THSD7B: variants seen among roughly 807,000 people sequenced by gnomAD.
THSD7B encodes thrombospondin type-1 domain-containing protein 7B.
In THSD7B, 138 loss-of-function variants were observed where a neutral mutation model predicts 213.6. The ratio of observed to expected loss-of-function variants is 0.65; its 90% CI spans 0.56 to 0.74. THSD7B has a LOEUF of 0.74. Among genes scored for constraint, THSD7B ranks in the 30% least tolerant of loss-of-function variants. The pLI, the probability that THSD7B is intolerant of heterozygous loss-of-function variation, is 0.00. For missense variants in THSD7B, 1,931 were observed against 1,991.5 expected (o/e 0.97, Z 0.58); for synonymous variants, 742 against 687.0 (o/e 1.08, Z -1.25).
At chr2:137,319,105 A>G (rs1021096249) in intron 12 of THSD7B, among the ~76,000 whole-genome samples, 1 of 152,038 alleles carries the variant, frequency 6.6e-6, no homozygotes, top group Non-Finnish European at 1.5e-5. Context: ...AATACCTCTT[A>G]TAAAATATCT....
At chr2:137,281,016 A>G (rs1321931321) in intron 12 of THSD7B, among the ~76,000 whole-genome samples, 1 of 152,140 alleles carries the variant, frequency 6.6e-6, no homozygotes, top group Non-Finnish European at 1.5e-5. Context: ...CAGACTTGAC[A>G]TTATGGCACT....
chr2:137,066,088 G>A (rs1687372814), intron 3 of THSD7B, among the ~76,000 whole-genome samples: 4 of 151,114 alleles, frequency 2.6e-5, no homozygotes, highest in South Asian at 2.1e-4. Flanking sequence ...TTTTTTCAAA[G>A]CAAGTCTATT....
chr2:137,358,471 GA>G (rs1451145308), intron 12 of THSD7B, among the ~76,000 whole-genome samples: 2 of 152,014 alleles, frequency 1.3e-5, no homozygotes, highest in East Asian at 1.9e-4. Flanking sequence ...TCAGAGGACC[GA>G]AAAAAATTTT....
rs1681871358 is a variant in THSD7B, at chr2:137,591,809, T to A, written c.3423+19253T>A. Among the ~76,000 whole-genome samples the A allele has an allele frequency of 1.3e-5, 2 of 151,956 alleles. 1 individual carries two copies. The highest frequency in any genetic ancestry group is 2.9e-5 in the Non-Finnish European group (2 of 67,844). Reference sequence around the variant, plus strand: ...GGTTCACAAATGTTTGTTTATATAATGTTCGGCTGATCTTTGTTTCATACG... The same window carrying A: ...GGTTCACAAATGTTTGTTTATATAAAGTTCGGCTGATCTTTGTTTCATACG... On this transcript the variant is annotated intron_variant, in intron 17 of 27. Coordinates refer to ENST00000409968, the MANE Select transcript of THSD7B (RefSeq NM_001316349.2).
intron 2 of THSD7B, among the ~76,000 whole-genome samples, chr2:136,981,319 A>C (rs953640084): frequency 2.6e-5 from 4 of 152,160 alleles, no homozygotes; most frequent in Non-Finnish European, 5.9e-5. Flanking sequence ...GAGATGATTA[A>C]AGAGAGCAGA....
At chr2:137,639,893 G>A (rs1057230135) in intron 20 of THSD7B, among the ~76,000 whole-genome samples, 2 of 152,166 alleles carry the variant, frequency 1.3e-5, no homozygotes, top group Non-Finnish European at 2.9e-5. Flanking sequence ...GAAGTAACTA[G>A]CTTGCTTTTG....
At position 137,357,608 on chromosome 2, in the gene THSD7B, C is replaced by T. The variant is rs149644645; in HGVS notation, c.2501-48005C>T. 4.3e-3 allele frequency among the ~76,000 whole-genome samples: 659 copies of T among 152,192 alleles called. 4 individuals carry two copies. Among genetic ancestry groups the T allele is most frequent in the African/African-American group, 0.015 (631 of 41,512 alleles). On this transcript the variant is annotated intron_variant, in intron 12 of 27. Transcript: ENST00000409968. ...CCAGTTGTGAGGCAATCTGGACATACGTTAAGTAAAAGCACTGGAAAGAAT... is the reference window on the plus strand; with the variant it reads ...CCAGTTGTGAGGCAATCTGGACATATGTTAAGTAAAAGCACTGGAAAGAAT...
At chr2:137,004,910 A>C (rs1686073699) in intron 2 of THSD7B, among the ~76,000 whole-genome samples, 1 of 152,190 alleles carries the variant, frequency 6.6e-6, no homozygotes, top group South Asian at 2.1e-4. Flanking sequence ...TGAAGAGGTA[A>C]ACTATTTTAT....
intron 25 of THSD7B, among the ~76,000 whole-genome samples, chr2:137,660,096 G>C (rs144904342): frequency 1.3e-5 from 2 of 152,242 alleles, no homozygotes; most frequent in Admixed American, 1.3e-4. Context: ...ATTTGCTAAA[G>C]TTATTATGCA....
intron 20 of THSD7B, among the ~76,000 whole-genome samples, chr2:137,639,020 T>G (rs1030638742): frequency 1.3e-5 from 2 of 151,894 alleles, no homozygotes; most frequent in African/African-American, 4.8e-5. Flanking sequence ...CATTTTTTTT[T>G]TTTTGAGGAG....
chr2:137,162,512 T>C (rs1023782446), intron 6 of THSD7B, among the ~76,000 whole-genome samples: 2 of 151,216 alleles, frequency 1.3e-5, no homozygotes, highest in African/African-American at 4.9e-5. Context: ...GAAATGTGAC[T>C]CCCTCAGAAA....
intron 17 of THSD7B, among the ~76,000 whole-genome samples, chr2:137,576,377 G>C (rs1055026794): frequency 6.6e-5 from 10 of 152,094 alleles, no homozygotes; most frequent in Admixed American, 3.3e-4. Flanking sequence ...GAATGTATCA[G>C]GGGTTGGCCA....
At chr2:137,217,025 C>A (rs1475975596) in intron 7 of THSD7B, among the ~76,000 whole-genome samples, 1 of 152,090 alleles carries the variant, frequency 6.6e-6, no homozygotes, top group East Asian at 1.9e-4. Context: ...AATGAGAGCC[C>A]CTTTTGCAAA....
chr2:137,425,947 A>G (rs1687045522), intron 14 of THSD7B, among the ~76,000 whole-genome samples: 1 of 152,208 alleles, frequency 6.6e-6, no homozygotes, highest in African/African-American at 2.4e-5. Flanking sequence ...ATACTCCACC[A>G]AAGAACTGAT....
intron 2 of THSD7B, among the ~76,000 whole-genome samples, chr2:137,024,978 C>T (rs965698460): frequency 2.6e-5 from 4 of 152,258 alleles, no homozygotes; most frequent in Admixed American, 2.6e-4. Flanking sequence ...AGTCCTGCAG[C>T]GGCCTCCTGT....
At chr2:137,331,273 T>C (rs1055390113) in intron 12 of THSD7B, among the ~76,000 whole-genome samples, 5 of 151,406 alleles carry the variant, frequency 3.3e-5, no homozygotes, top group East Asian at 2.0e-4. Context: ...AGAGTGTCGA[T>C]TGGTGCACTC....
chr2:137,649,677 A>G (rs537247589), intron 21 of THSD7B, among the ~76,000 whole-genome samples: 1 of 152,264 alleles, frequency 6.6e-6, no homozygotes, highest in African/African-American at 2.4e-5. Context: ...TTGTCTAAGT[A>G]TCTGTTTTTA....
chr2:137,180,049 G>A (rs140458467), intron 7 of THSD7B, among the ~76,000 whole-genome samples: 2 of 152,240 alleles, frequency 1.3e-5, no homozygotes, highest in African/African-American at 4.8e-5. Flanking sequence ...GTTCAGAAAT[G>A]GGTAACGTTA....
chr2:137,237,863 AC>A (rs1681803323), intron 9 of THSD7B, among the ~76,000 whole-genome samples: 1 of 152,234 alleles, frequency 6.6e-6, no homozygotes, highest in Non-Finnish European at 1.5e-5. Flanking sequence ...TGACAAAAAG[AC>A]AATTTCCATT....
Sources: allele counts gnomAD v4.1 joint callset (sites outside exome capture counted in the v4.1 genomes callset), GRCh38; gene constraint gnomAD v4.1.1; transcripts MANE v1.5; gene names NCBI Gene and HGNC (gene_info 2026-07-23, HGNC 2026-07-21).